PLXDC1: variants seen among roughly 807,000 people sequenced by gnomAD.
PLXDC1 encodes plexin domain containing 1.
Under a neutral mutation model 61.3 loss-of-function variants are expected in PLXDC1, and 39 were observed. The observed-to-expected ratio is 0.64, with a 90% confidence interval of 0.49 to 0.83. The LOEUF is 0.83. Ranked by LOEUF, PLXDC1 falls within the 40% of genes least tolerant of loss-of-function variation. The probability of loss-of-function intolerance (pLI) is 0.00; values close to 1 mark genes in which losing one functional copy is unlikely to be tolerated. For missense variants in PLXDC1, 596 were observed against 666.5 expected (o/e 0.89, Z 1.17); for synonymous variants, 212 against 254.5 (o/e 0.83, Z 1.59).
intron 2 of PLXDC1, 97 bp downstream of exon 2, chr17:39,139,557 A>C (rs1911862755): frequency 1.7e-6 from 2 of 1,184,960 alleles, no homozygotes; most frequent in Non-Finnish European, 2.4e-6. Flanking sequence ...ACCCCAAATG[A>C]TATGTGATTT....
At chr17:39,123,198 C>T (rs1911218819) in intron 2 of PLXDC1, among the ~76,000 whole-genome samples, 1 of 151,996 alleles carries the variant, frequency 6.6e-6, no homozygotes, top group Admixed American at 6.6e-5. Context: ...TGCAAGGTTC[C>T]TCTTTTTTTG....
intron 11 of PLXDC1, 116 bp downstream of exon 11, chr17:39,077,797 G>A: frequency 1.1e-6 from 1 of 947,430 alleles, no homozygotes; most frequent in African/African-American, 1.6e-5. Context: ...TAAAAGGATG[G>A]GGCAGTTCCC....
intron 1 of PLXDC1, among the ~76,000 whole-genome samples, chr17:39,149,190 G>A (rs985231276): frequency 2.6e-5 from 4 of 152,122 alleles, no homozygotes; most frequent in African/African-American, 7.2e-5. Context: ...TACCAAACAA[G>A]CCTGTCCATC....
chr17:39,127,902 A>G (rs1225286721), intron 2 of PLXDC1, among the ~76,000 whole-genome samples: 1 of 131,298 alleles, frequency 7.6e-6, no homozygotes, highest in East Asian at 2.3e-4. Flanking sequence ...AGATCGCACC[A>G]CTGCACTCCA....
Position 39,067,679 on chromosome 17 carries a change from C to G in PLXDC1, c.*161G>C. ...GTTTTTTGGCCCCCTCTTCAATATTCGGGGTGTGCTGACGAAGCGAGCAGC... is the reference window on the plus strand; with the variant it reads ...GTTTTTTGGCCCCCTCTTCAATATTGGGGGTGTGCTGACGAAGCGAGCAGC... On this transcript the variant is annotated 3_prime_UTR_variant, in exon 14 of 14. Coordinates refer to ENST00000315392, the MANE Select transcript of PLXDC1 (RefSeq NM_020405.5). 1.6e-6 allele frequency: 1 copy of G among 639,008 alleles called. No homozygotes were observed. The highest frequency in any genetic ancestry group is 2.7e-6 in the Non-Finnish European group (1 of 374,324). 39.6% of individuals were successfully genotyped at this position (639,008 alleles called of 1,614,324 possible). A position where few individuals can be genotyped will look rare whatever the true frequency, so the allele number is the denominator to read the frequency against.
chr17:39,088,943 G>GAAAAAAAAAAAAA (rs56714275), intron 7 of PLXDC1, among the ~76,000 whole-genome samples: 1 of 63,914 alleles, frequency 1.6e-5, no homozygotes, highest in Non-Finnish European at 2.8e-5. Context: ...GAGCAAGACT[G>GAAAAAAAAAAAAA]AAAAAAAAAA....
In PLXDC1 at chr17:39,081,717, C is replaced by A. The variant is rs183546149; in HGVS notation, c.989+1742G>T. Among the ~76,000 whole-genome samples, 526 of 151,788 alleles carry A rather than the reference C, an allele frequency of 3.5e-3. 2 individuals carry two copies. Among genetic ancestry groups the A allele is most frequent in the Admixed American group, 5.1e-3 (77 of 15,234 alleles). ...CAGCATTTTGGGAGGCCGAGGAGGG[C>A]AGATCACTTGAACCCAGGAGTTCAA... On this transcript the variant is annotated intron_variant, in intron 9 of 13. Coordinates refer to ENST00000315392, the MANE Select transcript of PLXDC1 (RefSeq NM_020405.5).
At chr17:39,105,794 G>T in intron 7 of PLXDC1, 60 bp downstream of exon 7, 2 of 1,064,146 alleles carry the variant, frequency 1.9e-6, no homozygotes, top group Non-Finnish European at 1.4e-6. Context: ...AGCAGCTCAG[G>T]TTCAGTCTGA....
At chr17:39,077,793 G>T in intron 11 of PLXDC1, 120 bp downstream of exon 11, 1 of 894,316 alleles carries the variant, frequency 1.1e-6, no homozygotes, top group Non-Finnish European at 1.7e-6. Flanking sequence ...GCTATAAAAG[G>T]ATGGGGCAGT....
rs143709538 is a variant in PLXDC1, at chr17:39,079,144, C to T, written c.1010G>A (p.Arg337His). 4.1e-5 allele frequency: 66 copies of T among 1,613,652 alleles called. No homozygotes were observed. In the Admixed American group the frequency reaches 4.5e-4, roughly 11 times the overall value. The change falls in exon 10 of 14, where the codon CGC becomes CAC. Residue 337 changes from arginine to histidine, a missense_variant. By Grantham distance (29) the Arg-to-His change is conservative (BLOSUM62 0). Transcript: ENST00000315392. ...ATAGTCCATCCACTCCTGGCGATAGCGGTCAAAGCCACTGGAGCATCTGCA... is the reference window on the plus strand; with the variant it reads ...ATAGTCCATCCACTCCTGGCGATAGTGGTCAAAGCCACTGGAGCATCTGCA... ...VLQRCSSGFD[R>H]YRQEWMDYGC...
intron 2 of PLXDC1, among the ~76,000 whole-genome samples, chr17:39,130,984 G>A (rs775589120): frequency 7.0e-4 from 107 of 152,208 alleles, no homozygotes; most frequent in Non-Finnish European, 1.3e-3. Flanking sequence ...AAGAGGAACC[G>A]GACCGGGAGA....
At chr17:39,099,230 GC>G (rs1047766696) in intron 7 of PLXDC1, among the ~76,000 whole-genome samples, 1 of 151,686 alleles carries the variant, frequency 6.6e-6, no homozygotes, top group Non-Finnish European at 1.5e-5. Context: ...GTGCTTCCCC[GC>G]CCCCTTCACC....
At chr17:39,120,989 T>G (rs1293693406) in intron 2 of PLXDC1, among the ~76,000 whole-genome samples, 1 of 152,144 alleles carries the variant, frequency 6.6e-6, no homozygotes, top group Non-Finnish European at 1.5e-5. Context: ...CCACTGCACC[T>G]GGCCAAACAC....
chr17:39,105,973 C>G lies in PLXDC1; in HGVS notation c.712-20G>C. The G allele has an allele frequency of 6.5e-7, 1 of 1,544,910 alleles. No homozygotes were observed. Among genetic ancestry groups the G allele is most frequent in the Non-Finnish European group, 8.9e-7 (1 of 1,119,444 alleles). On this transcript the variant is annotated intron_variant, in intron 6 of 13. Coordinates refer to ENST00000315392, the MANE Select transcript of PLXDC1 (RefSeq NM_020405.5). ...AGGGATCTGCGGCAGGGAGAAGAGA[C>G]TCCGTCCACCTCCCAAACGCTCTGG...
At chr17:39,123,010 G>T (rs550875098) in intron 2 of PLXDC1, among the ~76,000 whole-genome samples, 1 of 152,144 alleles carries the variant, frequency 6.6e-6, no homozygotes, top group Admixed American at 6.6e-5. Flanking sequence ...CCCGTGAAGC[G>T]CTCCTCAGAC....
chr17:39,084,162 G>GTATCCCAC (rs1206851829), intron 8 of PLXDC1, among the ~76,000 whole-genome samples: 8 of 152,338 alleles, frequency 5.3e-5, no homozygotes, highest in Admixed American at 2.6e-4. Context: ...TTTCAGGTGT[G>GTATCCCAC]TATCCCACAG....
At chr17:39,094,384 A>G (rs1002318393) in intron 7 of PLXDC1, among the ~76,000 whole-genome samples, 16 of 152,200 alleles carry the variant, frequency 1.1e-4, no homozygotes, top group Non-Finnish European at 2.1e-4. Flanking sequence ...CATAGGTTCT[A>G]GAGTCCAATG....
intron 2 of PLXDC1, among the ~76,000 whole-genome samples, chr17:39,122,326 G>A (rs1009862501): frequency 7.9e-6 from 1 of 126,402 alleles, no homozygotes; most frequent in Non-Finnish European, 1.6e-5. Context: ...AATCACTTCA[G>A]CCAAATCGCA....
intron 2 of PLXDC1, among the ~76,000 whole-genome samples, chr17:39,129,729 AAAAGAAAGAAAGGAAAGAAAAGC>A (rs1911492397): frequency 2.0e-4 from 8 of 39,312 alleles, no homozygotes; most frequent in East Asian, 1.4e-3. Flanking sequence ...AGAAAGAAAG[AAAAGAAAGAAAGGAAAGAAAAGC>A]AAGAAAGAAA....
Sources: gnomAD v4.1 joint callset for allele counts (sites outside exome capture counted in the v4.1 genomes callset) on GRCh38, gnomAD v4.1.1 for gene constraint, MANE v1.5 for transcripts, NCBI Gene and HGNC (gene_info 2026-07-23, HGNC 2026-07-21) for gene names.